The following ODAD3 variants were observed in gnomAD, a reference collection of about 807,000 sequenced individuals.
The protein encoded by ODAD3 is outer dynein arm docking complex subunit 3, also known as outer dynein arm-docking complex subunit 3.
ODAD3 carries 57 observed loss-of-function variants against 70.9 expected under a neutral mutation model. That is an observed-to-expected ratio of 0.80 (90% CI 0.65 to 1.00). The LOEUF (loss-of-function observed/expected upper bound fraction) is 1.00, where lower values mean the gene tolerates loss of function less well. ODAD3 is among the 50% of genes least tolerant of loss of function. ODAD3 has a pLI of 0.00. For missense variants in ODAD3, 797 were observed against 763.9 expected, an observed-to-expected ratio of 1.04 and a Z score of -0.51; for synonymous variants, 327 against 315.9, an observed-to-expected ratio of 1.04 and a Z score of -0.37.
Position 11,425,086 on chromosome 19 carries a change from T to C in ODAD3, c.964-1057A>G, listed in dbSNP as rs990466338. Reference sequence around the variant, plus strand: ...GTGTATATATGTATATGTGTATATGTACATATGTGTATATATGTATATATG... The same window carrying C: ...GTGTATATATGTATATGTGTATATGCACATATGTGTATATATGTATATATG... On this transcript the variant is annotated intron_variant, in intron 7 of 12. Coordinates refer to ENST00000356392, the MANE Select transcript of ODAD3 (RefSeq NM_145045.5). 2.1e-4 allele frequency among the ~76,000 whole-genome samples: 27 copies of C among 131,042 alleles called. 5 individuals carry two copies. Among genetic ancestry groups the C allele is most frequent in the African/African-American group, 1.0e-3 (27 of 26,950 alleles). 86.0% of individuals were successfully genotyped at this position (131,042 alleles called of 152,430 possible).
chr19:11,422,742 C>G lies in ODAD3; in HGVS notation c.1236G>C (p.Glu412Asp). The stretch of plus-strand genomic sequence containing the variant: ...CCCCCGAGTACTTGAGGTCTTCCAG[C>G]TCCCGCTGCAGTTGTTGCTTCTCCT... Reference protein sequence around the residue: ...LKQEKQQLQRELEDLKYSGEA... With the variant: ...LKQEKQQLQRDLEDLKYSGEA... The change falls in exon 9 of 13, where the codon GAG (glutamate) becomes GAC (aspartate). Residue 412 changes from glutamate to aspartate, a missense_variant. Transcript: ENST00000356392. The surrounding 1 kb of genome is among the most constrained non-coding windows in gnomAD (Gnocchi z 4.6). 1 of 1,612,772 alleles carries G rather than the reference C, an allele frequency of 6.2e-7. No homozygotes were observed. Among genetic ancestry groups the G allele is most frequent in the Non-Finnish European group, 8.5e-7 (1 of 1,179,918 alleles).
Position 11,426,710 on chromosome 19 carries a change from C to T in ODAD3, c.687G>A (p.Val229=), listed in dbSNP as rs1464668370. The T allele has an allele frequency of 1.9e-6, 3 of 1,613,910 alleles. No homozygotes were observed. The South Asian group carries it at 3.3e-5, about 18-fold the overall frequency. The change falls in exon 5 of 13, where the codon GTG becomes GTA. Residue 229 remains valine, a synonymous_variant. Transcript: ENST00000356392. ...TTAGATAGGCCTTGAGCTGCAGGTA[C>T]ACGCTGGTAATGTGCTCGGCCTCCT... ...KAQEAEHITS[V]YLQLKAYLMD... is the part of the protein sequence containing the mutation.
intron 3 of ODAD3, among the ~76,000 whole-genome samples, chr19:11,428,093 C>G (rs1438345781): frequency 6.7e-6 from 1 of 149,278 alleles, no homozygotes; most frequent in East Asian, 2.0e-4. Flanking sequence ...GTGCGAGACT[C>G]TGTCTCAAAA....
intron 1 of ODAD3, chr19:11,431,272 T>G: frequency 2.3e-6 from 1 of 438,682 alleles, no homozygotes; most frequent in Non-Finnish European, 4.2e-6. Context: ...CCACCACACC[T>G]GGCTAATTTT....
intron 7 of ODAD3, among the ~76,000 whole-genome samples, chr19:11,425,098 T>TATGTAC (rs1969269246): frequency 2.3e-5 from 3 of 133,062 alleles, no homozygotes; most frequent in Non-Finnish European, 4.6e-5. Flanking sequence ...CATATGTGTA[T>TATGTAC]ATATGTATAT....
chr19:11,431,975 T>C (rs1374052728), intron 1 of ODAD3, among the ~76,000 whole-genome samples: 2 of 132,764 alleles, frequency 1.5e-5, no homozygotes, highest in Non-Finnish European at 3.1e-5. Flanking sequence ...TAGCCGGGCA[T>C]GATGGTGGGT....
upstream of ODAD3, chr19:11,435,602 C>G: frequency 9.6e-7 from 1 of 1,036,436 alleles, no homozygotes; most frequent in Non-Finnish European, 1.3e-6. Flanking sequence ...GAACGTACGA[C>G]CGGAAGTGAC....
chr19:11,421,525 C>T (rs1969134326), intron 11 of ODAD3, 152 bp downstream of exon 11: 7 of 1,087,164 alleles, frequency 6.4e-6, no homozygotes, highest in Non-Finnish European at 7.9e-6. Flanking sequence ...GGGCTCACCC[C>T]TGGCTCGTCA....
chr19:11,421,283 T>A, intron 11 of ODAD3, 71 bp from the exon 12 acceptor site: 1 of 1,375,758 alleles, frequency 7.3e-7, no homozygotes, highest in Admixed American at 2.1e-5. Context: ...ACGTTCCCCC[T>A]CCTCCCTACC....
At position 11,424,015 on chromosome 19, in the gene ODAD3, G is replaced by T; in HGVS notation, c.978C>A (p.His326Gln). 6.2e-7 allele frequency: 1 copy of T among 1,609,960 alleles called. No individual in the cohort carries two copies. Among genetic ancestry groups the T allele is most frequent in the Non-Finnish European group, 8.5e-7 (1 of 1,179,738 alleles). The change falls in exon 8 of 13, where the codon CAC becomes CAA. Residue 326 changes from histidine to glutamine, a missense_variant. His to Gln is a conservative substitution (Grantham distance 24, BLOSUM62 0). Coordinates refer to ENST00000356392, the MANE Select transcript of ODAD3 (RefSeq NM_145045.5). ...ERMERKTHRE[H>Q]LLLQSDDTIQ... ...TGGTGTCGTCGGACTGTAGCAGCAG[G>T]TGCTCGCGGTGGGTCTGCTCGTGGG...
chr19:11,431,541 T>A (rs34091), intron 1 of ODAD3, among the ~76,000 whole-genome samples: 23,557 of 151,234 alleles, frequency 0.16, 2,705 homozygotes, highest in African/African-American at 0.32. Flanking sequence ...CTGTAATCCT[T>A]GCACTTTGGG....
chr19:11,432,627 T>C (rs943982762), intron 1 of ODAD3, among the ~76,000 whole-genome samples: 22 of 152,176 alleles, frequency 1.4e-4, no homozygotes, highest in African/African-American at 5.3e-4. Context: ...TGTACTTCAC[T>C]GTGAGCATTT....
At position 11,423,957 on chromosome 19, in the gene ODAD3, GCTC is replaced by G. The variant is rs1870001535; in HGVS notation, c.1033_1035del (p.Glu345del). ...TGGTACATGCTCCAGCGCTGCCGCAGCTCCTCCTCCTTGGCATGCAGGCTGTCC... is the reference window on the plus strand; with the variant it reads ...TGGTACATGCTCCAGCGCTGCCGCAGCTCCTCCTTGGCATGCAGGCTGTCC... On this transcript the variant is annotated inframe_deletion, in exon 8 of 13. Transcript: ENST00000356392. 1 of 1,613,346 alleles carries G rather than the reference GCTC, an allele frequency of 6.2e-7. No homozygotes were observed. Among genetic ancestry groups the G allele is most frequent in the Non-Finnish European group, 8.5e-7 (1 of 1,179,988 alleles).
chr19:11,421,210 G>GAACT lies in ODAD3; in HGVS notation c.1591-2_1592dup (p.Phe531LeufsTer30). 6.2e-7 allele frequency: 1 copy of GAACT among 1,612,356 alleles called. No individual in the cohort carries two copies. The highest frequency in any genetic ancestry group is 1.1e-5 in the South Asian group (1 of 90,754). ...GCAGCCTTCCCTCTAAGCTGGCGAG[G>GAACT]AACTAAGCGGGGATGGGAAGCGAGA... is the stretch of plus-strand genomic sequence containing the variant. On this transcript the variant is annotated frameshift_variant and splice_region_variant, in exon 12 of 13. Transcript: ENST00000356392. LOFTEE classifies it high-confidence loss of function.
At chr19:11,430,815 C>A (rs1296904742) in intron 2 of ODAD3, 39 bp from the exon 3 acceptor site, 6 of 1,613,934 alleles carry the variant, frequency 3.7e-6, no homozygotes, top group Non-Finnish European at 5.1e-6. Flanking sequence ...CAGCATGCCA[C>A]CTCCAGCTAA....
At position 11,421,799 on chromosome 19, in the gene ODAD3, G is replaced by C. The variant is rs746257766; in HGVS notation, c.1468C>G (p.Pro490Ala). 1.2e-6 allele frequency: 2 copies of C among 1,613,208 alleles called. No individual in the cohort carries two copies. The highest frequency in any genetic ancestry group is 3.3e-5 in the Admixed American group (2 of 60,030). Residue 490 changes from proline (P) to alanine (A), a missense_variant, in exon 11 of 13, where the codon CCC (proline) becomes GCC (alanine). Transcript: ENST00000356392. ...DGRFAGKELD[P>A]QADNYVPNLL... ...TTTGGCACATAGTTATCTGCCTGGGGATCCAGCTCCTTTCCCGCGAAGCGG... is the reference window on the plus strand; with the variant it reads ...TTTGGCACATAGTTATCTGCCTGGGCATCCAGCTCCTTTCCCGCGAAGCGG...
At chr19:11,421,356 C>A in intron 11 of ODAD3, 144 bp from the exon 12 acceptor site, 1 of 793,416 alleles carries the variant, frequency 1.3e-6, no homozygotes, top group Non-Finnish European at 2.0e-6. Flanking sequence ...CCTCCTTAAG[C>A]AGGCACCTTG....
At chr19:11,425,479 GTGTGTATA>G (rs1464787617) in intron 7 of ODAD3, among the ~76,000 whole-genome samples, 1 of 122,020 alleles carries the variant, frequency 8.2e-6, no homozygotes, top group Non-Finnish European at 1.8e-5. Context: ...ATGTATATAT[GTGTGTATA>G]TATGTATATA....
At position 11,420,709 on chromosome 19, in the gene ODAD3, C is replaced by T. The variant is rs1969109466; in HGVS notation, c.*126G>A. 1.3e-6 allele frequency: 1 copy of T among 754,004 alleles called. No homozygotes were observed. Among genetic ancestry groups the T allele is most frequent in the East Asian group, 2.6e-5 (1 of 38,418 alleles). 46.7% of individuals were successfully genotyped at this position (754,004 alleles called of 1,614,324 possible). ...CCGGCCCCTTCCTCCCCTCCGGGCG[C>T]CGCTGGCCGCCTCCGTTCCCGGTCC... On this transcript the variant is annotated 3_prime_UTR_variant, in exon 13 of 13. Coordinates refer to ENST00000356392, the MANE Select transcript of ODAD3 (RefSeq NM_145045.5).
Sources: allele counts gnomAD v4.1 joint callset (sites outside exome capture counted in the v4.1 genomes callset), GRCh38; gene constraint gnomAD v4.1.1; non-coding constraint Gnocchi (gnomAD v3.1); transcripts MANE v1.5; gene names NCBI Gene and HGNC (gene_info 2026-07-23, HGNC 2026-07-21).